The following PLIN5 variants were observed in gnomAD, a reference collection of about 807,000 sequenced individuals.
The protein encoded by PLIN5 is perilipin-5.
Under a neutral mutation model 32.8 loss-of-function variants are expected in PLIN5, and 34 were observed. That is an observed-to-expected ratio of 1.04 (90% confidence interval 0.79 to 1.38). PLIN5 has a LOEUF of 1.38. Ranked by LOEUF, PLIN5 falls within the 40% of genes most tolerant of loss-of-function variation. The pLI, the probability that PLIN5 is intolerant of heterozygous loss-of-function variation, is 0.00. For missense variants in PLIN5, 712 were observed against 660.5 expected (o/e 1.08, Z -0.85); for synonymous variants, 309 against 292.9 (o/e 1.05, Z -0.56).
rs1340900788 is a variant in PLIN5 at position 4,525,611 on chromosome 19, G to A, written c.720+22C>T. ...ACTGATTGGCCTGCATCCCGGAGCA[G>A]GGGCGGGCAGCGGGCTCTCACCAGC... On this transcript the variant is annotated intron_variant, in intron 6 of 7. Transcript: ENST00000381848. This position sits in a 1 kb window ranked among gnomAD's most constrained non-coding sequence, Gnocchi z 5.6. 6.2e-7 allele frequency: 1 copy of A among 1,610,424 alleles called. No homozygotes were observed. Among genetic ancestry groups the A allele is most frequent in the Admixed American group, 1.7e-5 (1 of 60,012 alleles).
At position 4,525,956 on chromosome 19, in the gene PLIN5, G is replaced by GGGGACAGCATGGGGTC. The variant is rs1976798685; in HGVS notation, c.521-140_521-125dup. The GGGGACAGCATGGGGTC allele has an allele frequency of 1.2e-6, 1 of 834,394 alleles. No homozygotes were observed. The highest frequency in any genetic ancestry group is 1.9e-6 in the Non-Finnish European group (1 of 537,854). 51.7% of individuals were successfully genotyped at this position (834,394 alleles called of 1,614,324 possible). On this transcript the variant is annotated intron_variant, in intron 5 of 7. Transcript: ENST00000381848. The surrounding 1 kb of genome is among the most constrained non-coding windows in gnomAD (Gnocchi z 5.6). ...CGGGGACAGGATACGGGGACAGCAC[G>GGGGACAGCATGGGGTC]GGGACAGCATGGGGTCAGCACAGCC... is the stretch of plus-strand genomic sequence containing the variant.
chr19:4,534,416 A>C (rs1976923492), intron 1 of PLIN5: 1 of 276,416 alleles, frequency 3.6e-6, no homozygotes, highest in Non-Finnish European at 6.9e-6. Context: ...TCTCTCGCCC[A>C]GGCTGGAGAG....
chr19:4,524,691 T>C (rs1410064310), intron 7 of PLIN5, among the ~76,000 whole-genome samples: 13 of 150,854 alleles, frequency 8.6e-5, no homozygotes, highest in Admixed American at 7.3e-4. Flanking sequence ...CACCCCCCTT[T>C]CCCCCCACCT....
chr19:4,527,622 CA>C (rs1451287381), intron 5 of PLIN5, among the ~76,000 whole-genome samples: 2 of 146,236 alleles, frequency 1.4e-5, no homozygotes, highest in African/African-American at 5.1e-5. Context: ...TTTGGGAAGT[CA>C]AGGCAGGTGG....
chr19:4,533,967 CCCACACAATA>C, intron 2 of PLIN5, 38 bp downstream of exon 2: 1 of 1,585,622 alleles, frequency 6.3e-7, no homozygotes, highest in Non-Finnish European at 8.6e-7. Flanking sequence ...AAGGGACTGT[CCCACACAATA>C]CCTTCTGTCC....
chr19:4,530,785 G>C (rs1728751434), intron 3 of PLIN5, among the ~76,000 whole-genome samples: 1 of 152,036 alleles, frequency 6.6e-6, no homozygotes, highest in African/African-American at 2.4e-5. Flanking sequence ...CGATTCTCCT[G>C]CCTCAGCCTC....
At chr19:4,524,255 A>C (rs1399261033) in intron 7 of PLIN5, among the ~76,000 whole-genome samples, 170 bp from the exon 8 acceptor site, 1 of 152,134 alleles carries the variant, frequency 6.6e-6, no homozygotes, top group African/African-American at 2.4e-5. Flanking sequence ...AGTCTCCTTC[A>C]TAAACACACA....
rs368137985 is a variant in PLIN5 at position 4,529,562 on chromosome 19, T to G, written c.339+222A>C. 298 of 478,304 alleles carry G rather than the reference T, an allele frequency of 6.2e-4. 1 individual carries two copies. Among genetic ancestry groups the G allele is most frequent in the South Asian group, 8.0e-4 (25 of 31,098 alleles). 29.6% of individuals were successfully genotyped at this position (478,304 alleles called of 1,614,324 possible). The stretch of plus-strand genomic sequence containing the variant: ...CTTATACGTATATATACATATATAC[T>G]TATACGTATATATACATATATACAC... On this transcript the variant is annotated intron_variant, in intron 4 of 7. Transcript: ENST00000381848.
intron 3 of PLIN5, 38 bp from the exon 4 acceptor site, chr19:4,529,904 C>T (rs375375547): frequency 1.6e-5 from 22 of 1,392,644 alleles, no homozygotes; most frequent in African/African-American, 5.7e-5. Flanking sequence ...CTCGGGGAGA[C>T]GCAGAGGGAG....
intron 3 of PLIN5, among the ~76,000 whole-genome samples, chr19:4,530,304 A>G (rs76930576): frequency 0.019 from 2,823 of 152,190 alleles, 90 homozygotes; most frequent in African/African-American, 0.064. Flanking sequence ...GCGACTTTTC[A>G]GCCGTGCCCA....
chr19:4,523,703 C>CGG lies in PLIN5; in HGVS notation c.1215_1216dup (p.Arg406ProfsTer53), dbSNP rs778348131. The CGG allele has an allele frequency of 1.2e-6, 2 of 1,604,424 alleles. No individual in the cohort carries two copies. Among genetic ancestry groups the CGG allele is most frequent in the Non-Finnish European group, 1.7e-6 (2 of 1,179,592 alleles). The stretch of plus-strand genomic sequence containing the variant: ...GGCCGGCCAGTCCAGGTGCGCCCAG[C>CGG]GGGGGTCAGGGCCCCCGATGACCTC... On this transcript the variant is annotated frameshift_variant, in exon 8 of 8. Coordinates refer to ENST00000381848, the MANE Select transcript of PLIN5 (RefSeq NM_001013706.3). LOFTEE classifies it low-confidence loss of function (END_TRUNC). This position sits in a 1 kb window ranked among gnomAD's most constrained non-coding sequence, Gnocchi z 5.0.
rs1265189821 is a variant in PLIN5 at position 4,525,856 on chromosome 19, G to GGA, written c.521-25_521-24insTC. ...CGCTGGAGGACAGGATACGGGGACA[G>GGA]CACGGGGACAGGATACGGGGACAGC... On this transcript the variant is annotated intron_variant, in intron 5 of 7. Coordinates refer to ENST00000381848, the MANE Select transcript of PLIN5 (RefSeq NM_001013706.3). The surrounding 1 kb of genome is among the most constrained non-coding windows in gnomAD (Gnocchi z 5.6). The GGA allele has an allele frequency of 1.3e-6, 2 of 1,538,302 alleles. No individual in the cohort carries two copies. Among genetic ancestry groups the GGA allele is most frequent in the East Asian group, 2.4e-5 (1 of 42,234 alleles).
chr19:4,531,793 G>A lies in PLIN5; in HGVS notation c.90C>T (p.Pro30=), dbSNP rs1976889078. 2.5e-6 allele frequency: 4 copies of A among 1,580,026 alleles called. No homozygotes were observed. The highest frequency in any genetic ancestry group is 3.4e-6 in the Non-Finnish European group (4 of 1,163,338). Residue 30 remains proline (P), a synonymous_variant, in exon 3 of 8, where the codon CCC becomes CCT. Coordinates refer to ENST00000381848, the MANE Select transcript of PLIN5 (RefSeq NM_001013706.3). ...QNVVQRVVAL[P]LVRATCTAVC... Reference sequence around the variant, plus strand: ...CCGCGGTGCACGTGGCCCTGACCAGGGGCAGAGCCACCACACGCTGCACCA... The same window carrying A: ...CCGCGGTGCACGTGGCCCTGACCAGAGGCAGAGCCACCACACGCTGCACCA...
intron 3 of PLIN5, 128 bp downstream of exon 3, chr19:4,531,499 G>T: frequency 2.2e-6 from 2 of 915,484 alleles, no homozygotes; most frequent in Non-Finnish European, 3.1e-6. Flanking sequence ...TGGCATGGCA[G>T]TGGGACAGGT....
intron 5 of PLIN5, 147 bp downstream of exon 5, chr19:4,528,926 G>A: frequency 2.4e-6 from 2 of 842,400 alleles, no homozygotes; most frequent in Non-Finnish European, 3.6e-6. Context: ...AAGTGACCGG[G>A]AGGGAGGACA....
Position 4,525,563 on chromosome 19 carries a change from T to C in PLIN5, c.720+70A>G. The C allele has an allele frequency of 1.3e-6, 2 of 1,559,364 alleles. No individual in the cohort carries two copies. Among genetic ancestry groups the C allele is most frequent in the South Asian group, 1.1e-5 (1 of 89,282 alleles). On this transcript the variant is annotated intron_variant, in intron 6 of 7. Coordinates refer to ENST00000381848, the MANE Select transcript of PLIN5 (RefSeq NM_001013706.3). The surrounding 1 kb of genome is among the most constrained non-coding windows in gnomAD (Gnocchi z 5.6). ...TGCTTTAGGCTAGCACGGGATCCGG[T>C]ATTCAGCTGGTGCTCAATCCATACT...
chr19:4,523,752 G>T lies in PLIN5; in HGVS notation c.1168C>A (p.Pro390Thr). The T allele has an allele frequency of 1.9e-6, 3 of 1,600,086 alleles. No homozygotes were observed. Among genetic ancestry groups the T allele is most frequent in the Non-Finnish European group, 2.5e-6 (3 of 1,179,418 alleles). Reference sequence around the variant, plus strand: ...TCGTCCACCAGGTCCGCCAGGTCGGGCAGGGGCTCGGGTCGCTCCACAAGG... The same window carrying T: ...TCGTCCACCAGGTCCGCCAGGTCGGTCAGGGGCTCGGGTCGCTCCACAAGG... Reference protein sequence around the residue: ...PILVERPEPLPDLADLVDEVI... With the variant: ...PILVERPEPLTDLADLVDEVI... The change falls in exon 8 of 8, where the codon CCC becomes ACC. Residue 390 changes from proline to threonine, a missense_variant. Pro to Thr is a conservative substitution (Grantham distance 38). Coordinates refer to ENST00000381848, the MANE Select transcript of PLIN5 (RefSeq NM_001013706.3). This position sits in a 1 kb window ranked among gnomAD's most constrained non-coding sequence, Gnocchi z 5.0.
chr19:4,530,824 C>T (rs984431526), intron 3 of PLIN5, among the ~76,000 whole-genome samples: 5 of 151,992 alleles, frequency 3.3e-5, no homozygotes, highest in African/African-American at 7.3e-5. Flanking sequence ...AGGCGCCCTC[C>T]ACCACGCCTG....
Position 4,531,739 on chromosome 19 carries a change from G to A in PLIN5, c.144C>T (p.Asp48=). The stretch of plus-strand genomic sequence containing the variant: ...AGGCGGAGCCCAGCAGCGGGTGCCT[G>A]TCCTTGGCTGCACTGTAAACATCGC... The part of the protein sequence containing the change: ...AVCDVYSAAK[D]RHPLLGSACR... Residue 48 remains aspartate, a synonymous_variant, in exon 3 of 8, where the codon GAC becomes GAT. Coordinates refer to ENST00000381848, the MANE Select transcript of PLIN5 (RefSeq NM_001013706.3). The A allele has an allele frequency of 6.2e-7, 1 of 1,600,276 alleles. No individual in the cohort carries two copies. Among genetic ancestry groups the A allele is most frequent in the African/African-American group, 1.3e-5 (1 of 74,814 alleles).
Sources: allele counts gnomAD v4.1 joint callset (sites outside exome capture counted in the v4.1 genomes callset), GRCh38; gene constraint gnomAD v4.1.1; non-coding constraint Gnocchi (gnomAD v3.1); transcripts MANE v1.5; gene names NCBI Gene and HGNC (gene_info 2026-07-23, HGNC 2026-07-21).